The following COL4A4 variants were observed in gnomAD, a reference collection of about 807,000 sequenced individuals.
COL4A4 encodes the protein collagen alpha-4(IV) chain.
COL4A4 carries 105 observed loss-of-function variants against 192.9 expected under a neutral mutation model. The observed-to-expected ratio is 0.54, with a 90% CI of 0.46 to 0.64. The LOEUF is 0.64. Ranked by LOEUF, COL4A4 falls within the 30% of genes least tolerant of loss-of-function variation. COL4A4 has a pLI of 0.00. For synonymous variants in COL4A4, 762 were observed against 769.9 expected, an observed-to-expected ratio of 0.99 and a Z score of 0.17; for missense variants, 1,967 against 2,169.3, an observed-to-expected ratio of 0.91 and a Z score of 1.85.
chr2:227,073,002 C>G (rs565942012), intron 25 of COL4A4, among the ~76,000 whole-genome samples: 1 of 152,032 alleles, frequency 6.6e-6, no homozygotes, highest in Non-Finnish European at 1.5e-5. Context: ...AGGATGCCCA[C>G]TTTCACCACT....
chr2:227,127,156 G>C (rs147493421), intron 4 of COL4A4, among the ~76,000 whole-genome samples: 1 of 152,350 alleles, frequency 6.6e-6, no homozygotes, highest in African/African-American at 2.4e-5. Flanking sequence ...CTGGCTTTCA[G>C]ATGCACAGCA....
chr2:227,010,201 T>C, intron 46 of COL4A4, 112 bp downstream of exon 46: 1 of 1,140,328 alleles, frequency 8.8e-7, no homozygotes, highest in East Asian at 2.3e-5. Context: ...GTTTTAAAAG[T>C]AAGAATAATC....
intron 5 of COL4A4, among the ~76,000 whole-genome samples, chr2:227,120,643 A>G (rs1225898949): frequency 2.0e-5 from 3 of 152,156 alleles, no homozygotes; most frequent in Non-Finnish European, 2.9e-5. Context: ...CGTGGTTATA[A>G]AACTCCAGTG....
intron 14 of COL4A4, 109 bp downstream of exon 14, chr2:227,103,035 T>C: frequency 9.0e-7 from 1 of 1,116,420 alleles, no homozygotes; most frequent in Non-Finnish European, 1.3e-6. Context: ...AAAATTCTGG[T>C]AATATATATT....
Position 227,045,866 on chromosome 2 carries a change from A to G in COL4A4, c.3289+1609T>C, listed in dbSNP as rs1559488392. 8.2e-3 allele frequency among the ~76,000 whole-genome samples: 704 copies of G among 86,360 alleles called. 45 individuals are homozygous for G. Among genetic ancestry groups the G allele is most frequent in the South Asian group, 0.014 (30 of 2,208 alleles). The allele number at this position is 86,360 out of a possible 152,430, so 56.7% of individuals were successfully genotyped here. The stretch of plus-strand genomic sequence containing the variant: ...TATATATACACATATATATATACAC[A>G]TATATATACATATATATGTATATAT... On this transcript the variant is annotated intron_variant, in intron 35 of 47. Transcript: ENST00000396625.
downstream of COL4A4, among the ~76,000 whole-genome samples, chr2:227,001,430 C>G (rs1216083017): frequency 6.6e-6 from 1 of 152,120 alleles, no homozygotes; most frequent in Non-Finnish European, 1.5e-5. Flanking sequence ...TTCCTCACCC[C>G]CTCCCTCCAG....
At chr2:227,109,704 G>C (rs1295994892) in intron 9 of COL4A4, among the ~76,000 whole-genome samples, 1 of 150,586 alleles carries the variant, frequency 6.6e-6, no homozygotes, top group African/African-American at 2.5e-5. Flanking sequence ...CCGAGATTGT[G>C]CCACTGCACT....
At position 227,103,876 on chromosome 2, in the gene COL4A4, G is replaced by T. The variant is rs76371156; in HGVS notation, c.816+96C>A. The T allele has an allele frequency of 2.4e-3, 2,067 of 857,848 alleles. 28 individuals carry two copies. In the African/African-American group the frequency reaches 0.03, roughly 12 times the overall value. The allele number at this position is 857,848 out of a possible 1,614,324, so 53.1% of individuals were successfully genotyped here. A position where few individuals can be genotyped will look rare whatever the true frequency, so the allele number is the denominator to read the frequency against. On this transcript the variant is annotated intron_variant, in intron 13 of 47. Transcript: ENST00000396625. ...GTAGGTTTGAAACTAGTGCAGTGAT[G>T]CATAGAAAGACCTCTATACTTTGCT...
chr2:227,096,179 G>T (rs896559205), intron 19 of COL4A4, among the ~76,000 whole-genome samples: 1 of 152,116 alleles, frequency 6.6e-6, no homozygotes, highest in South Asian at 2.1e-4. Flanking sequence ...GAAATTCTGA[G>T]CTACCATATA....
At position 227,030,431 on chromosome 2, in the gene COL4A4, C is replaced by T; in HGVS notation, c.3973+12G>A. 6.2e-7 allele frequency: 1 copy of T among 1,614,030 alleles called. No individual in the cohort carries two copies. The highest frequency in any genetic ancestry group is 8.5e-7 in the Non-Finnish European group (1 of 1,179,932). On this transcript the variant is annotated intron_variant, in intron 41 of 47. Transcript: ENST00000396625. ...GTTATTCACATATTACTTAACGGAA[C>T]AACATTCATACCTTTCTGGCCATCT...
At chr2:227,041,826 AAGAAAGAAAG>A (rs1971191399) in intron 37 of COL4A4, among the ~76,000 whole-genome samples, 1 of 38,162 alleles carries the variant, frequency 2.6e-5, no homozygotes, top group Non-Finnish European at 4.7e-5. Context: ...GAAAGAAAGA[AAGAAAGAAAG>A]AAAGAAAGAA....
Position 227,089,904 on chromosome 2 carries a change from C to T in COL4A4, c.1423G>A (p.Gly475Ser), listed in dbSNP as rs1371408968. The T allele has an allele frequency of 6.2e-7, 1 of 1,613,548 alleles. No homozygotes were observed. The highest frequency in any genetic ancestry group is 1.3e-5 in the African/African-American group (1 of 74,868). Residue 475 changes from glycine (G) to serine (S), a missense_variant, in exon 21 of 48, where the codon GGT (glycine) becomes AGT (serine). Transcript: ENST00000396625. ...PGPQGIKGKV[G>S]PPGGRGPKGE... is the part of the protein sequence containing the mutation. ...TTTGGGCCTCTTCCTCCTGGGGGAC[C>T]AACTTTGCCTTTTATTCCTTGTGGT...
chr2:227,059,482 G>T lies in COL4A4; in HGVS notation c.2306C>A (p.Pro769His). The T allele has an allele frequency of 6.2e-7, 1 of 1,614,106 alleles. No individual in the cohort carries two copies. The highest frequency in any genetic ancestry group is 8.5e-7 in the Non-Finnish European group (1 of 1,180,010). The change falls in exon 28 of 48, where the codon CCC becomes CAC. Residue 769 changes from proline to histidine, a missense_variant. Coordinates refer to ENST00000396625, the MANE Select transcript of COL4A4 (RefSeq NM_000092.5). ...TCCTGAAAGACCCCTCTTTCCCGGG[G>T]GTCCCAGGTGACCAAATGCAGGGTC... ...PGDPAFGHLGPPGKRGLSGVP... is the reference protein window; with the variant it reads ...PGDPAFGHLGHPGKRGLSGVP...
chr2:227,023,642 G>A (rs559070835), intron 43 of COL4A4, among the ~76,000 whole-genome samples: 2 of 152,272 alleles, frequency 1.3e-5, no homozygotes, highest in East Asian at 3.9e-4. Flanking sequence ...ATCAGGCCCT[G>A]TGCTGAATGC....
the COL4A4 span, among the ~76,000 whole-genome samples, chr2:226,978,818 T>C: frequency 6.6e-6 from 1 of 152,148 alleles, no homozygotes; most frequent in Non-Finnish European, 1.5e-5. Flanking sequence ...AGAAGTTGTG[T>C]TTGAGCCAAG....
intron 26 of COL4A4, among the ~76,000 whole-genome samples, chr2:227,061,058 C>T (rs1309174890): frequency 6.6e-6 from 1 of 152,156 alleles, no homozygotes; most frequent in Non-Finnish European, 1.5e-5. Context: ...CTGTGATTTT[C>T]TACAAGGAGT....
At chr2:227,115,806 T>C (rs1429258574) in intron 7 of COL4A4, among the ~76,000 whole-genome samples, 1 of 152,202 alleles carries the variant, frequency 6.6e-6, no homozygotes, top group Non-Finnish European at 1.5e-5. Context: ...ACAGTTCCAG[T>C]CTGAATGAAT....
intron 42 of COL4A4, among the ~76,000 whole-genome samples, chr2:227,027,647 A>G (rs1001286545): frequency 6.6e-6 from 1 of 151,220 alleles, no homozygotes; most frequent in Non-Finnish European, 1.5e-5. Context: ...AAATATATAT[A>G]TATAGAAAAA....
chr2:227,136,315 T>C (rs73082256), intron 4 of COL4A4, among the ~76,000 whole-genome samples: 1 of 152,078 alleles, frequency 6.6e-6, no homozygotes, highest in African/African-American at 2.4e-5. Context: ...AAAGGCCTTG[T>C]GGTTTGGCAT....
Sources: gnomAD v4.1 joint callset for allele counts (sites outside exome capture counted in the v4.1 genomes callset) on GRCh38, gnomAD v4.1.1 for gene constraint, MANE v1.5 for transcripts, NCBI Gene and HGNC (gene_info 2026-07-23, HGNC 2026-07-21) for gene names.